The following TG variants were observed in gnomAD, a reference collection of about 807,000 sequenced individuals.
The protein encoded by TG is thyroid hormones.
A neutral mutation model predicts 324.7 loss-of-function variants in TG; 270 were observed. The ratio of observed to expected loss-of-function variants is 0.83; its 90% CI spans 0.75 to 0.92. TG has a LOEUF of 0.92. Among genes scored for constraint, TG ranks in the 40% least tolerant of loss-of-function variants. TG has a pLI of 0.00. For synonymous variants in TG, 1,401 were observed against 1,327.0 expected (o/e 1.06, Z -1.21); for missense variants, 3,591 against 3,456.4 (o/e 1.04, Z -0.98).
intron 41 of TG, among the ~76,000 whole-genome samples, chr8:133,061,991 T>C (rs1842430169): frequency 6.6e-6 from 1 of 152,228 alleles, no homozygotes; most frequent in Non-Finnish European, 1.5e-5. Context: ...TGTCACTTAC[T>C]GCTCAAGCTA....
intron 40 of TG, among the ~76,000 whole-genome samples, chr8:133,029,222 C>A (rs1180887579): frequency 6.8e-6 from 1 of 146,054 alleles, no homozygotes; most frequent in African/African-American, 2.6e-5. Context: ...GTATCTAGAT[C>A]ATTTTATTTA....
At position 133,030,981 on chromosome 8, in the gene TG, G is replaced by A. The variant is rs111460245; in HGVS notation, c.7239+958G>A. 7.6e-3 allele frequency among the ~76,000 whole-genome samples: 1,159 copies of A among 152,216 alleles called. 16 individuals carry two copies. Among genetic ancestry groups the A allele is most frequent in the African/African-American group, 0.026 (1,097 of 41,552 alleles). ...TCAGAGTGGTTTTGATTATTTATTT[G>A]TTTGCTTGTTTGTTTTGTTTTATGA... On this transcript the variant is annotated intron_variant, in intron 41 of 47. Transcript: ENST00000220616.
chr8:133,020,820 C>G (rs1426601193), intron 39 of TG, among the ~76,000 whole-genome samples: 1 of 152,172 alleles, frequency 6.6e-6, no homozygotes, highest in Non-Finnish European at 1.5e-5. Flanking sequence ...AAATGAGACA[C>G]TCTAGGGCAG....
rs200646022 is a variant in TG, at chr8:133,134,725, G to A, written c.8238G>A (p.Thr2746=). 2.4e-5 allele frequency: 39 copies of A among 1,613,924 alleles called. No individual in the cohort carries two copies. The highest frequency in any genetic ancestry group is 4.5e-5 in the East Asian group (2 of 44,874). ...CAGAGAGTGAAGAGGAGGAGTTGAC[G>A]GCTGGATCTGGGCTAAGAGAAGATC... The part of the protein sequence containing the change: ...QSAESEEEEL[T]AGSGLREDLL... Residue 2746 remains threonine (T), a synonymous_variant, in exon 48 of 48, where the codon ACG becomes ACA. Transcript: ENST00000220616.
chr8:133,080,280 G>A (rs13265497), intron 41 of TG, among the ~76,000 whole-genome samples: 23,585 of 152,106 alleles, frequency 0.16, 2,281 homozygotes, highest in East Asian at 0.21. Context: ...TGGCCTTTGC[G>A]TATGTTACGT....
chr8:133,042,676 G>GTTTTTT (rs1838483510), intron 41 of TG, among the ~76,000 whole-genome samples: 1 of 55,582 alleles, frequency 1.8e-5, no homozygotes, highest in African/African-American at 6.4e-5. Flanking sequence ...CTCATTCTGT[G>GTTTTTT]TCTTTTTTTT....
rs761804509 is a variant in TG at position 133,013,732 on chromosome 8, G to T, written c.6530G>T (p.Arg2177Leu). Residue 2177 changes from arginine (R) to leucine (L), a missense_variant, in exon 37 of 48, where the codon CGT (arginine) becomes CTT (leucine). Transcript: ENST00000220616. The stretch of plus-strand genomic sequence containing the variant: ...GGTCAGAACTGCCGACTTCTGCTTC[G>T]TGAAGAGGCCACCCACATCTACCGG... ...LQGQNCRLLL[R>L]EEATHIYRKP... 13 of 1,612,820 alleles carry T rather than the reference G, an allele frequency of 8.1e-6. No homozygotes were observed. Among genetic ancestry groups the T allele is most frequent in the South Asian group, 1.1e-5 (1 of 91,070 alleles).
intron 43 of TG, among the ~76,000 whole-genome samples, chr8:133,109,351 A>C (rs1011762534): frequency 6.6e-6 from 1 of 152,236 alleles, no homozygotes; most frequent in African/African-American, 2.4e-5. Context: ...TGGATTAAAA[A>C]GCATGTGTCT....
chr8:132,966,442 C>A, intron 29 of TG, 118 bp from the exon 30 acceptor site: 2 of 1,314,994 alleles, frequency 1.5e-6, no homozygotes, highest in Non-Finnish European at 2.1e-6. Context: ...CTATCTCTGA[C>A]ACTTTCTCTC....
chr8:133,116,248 A>G (rs1393115239), intron 44 of TG, among the ~76,000 whole-genome samples: 2 of 152,190 alleles, frequency 1.3e-5, no homozygotes, highest in African/African-American at 4.8e-5. Context: ...TCCACTGTAT[A>G]TTGCATTTAC....
chr8:132,972,588 T>TTTC lies in TG; in HGVS notation c.6056-10_6056-9insTTC, dbSNP rs1554685664. 9.3e-6 allele frequency: 15 copies of TTTC among 1,608,906 alleles called. No individual in the cohort carries two copies. The African/African-American group carries it at 1.5e-4, about 16-fold the overall frequency. ...ATTGTGGTTTTTTGTTTTTTTTTTT[T>TTTC]CCACCCCAGGAGGAGAGGTGACATG... On this transcript the variant is annotated splice_polypyrimidine_tract_variant and intron_variant, in intron 33 of 47. Transcript: ENST00000220616.
intron 35 of TG, among the ~76,000 whole-genome samples, chr8:133,005,312 G>A (rs1262473864): frequency 6.6e-6 from 1 of 152,164 alleles, no homozygotes; most frequent in Non-Finnish European, 1.5e-5. Flanking sequence ...GAGGGGAGGA[G>A]GGGTCAGGTG....
intron 35 of TG, among the ~76,000 whole-genome samples, chr8:133,007,632 A>G (rs2130866328): frequency 6.6e-6 from 1 of 152,318 alleles, no homozygotes; most frequent in South Asian, 2.1e-4. Flanking sequence ...ATAATTTTAG[A>G]CAAGGATAGA....
chr8:133,115,976 G>A (rs1194120091), intron 44 of TG, among the ~76,000 whole-genome samples: 1 of 152,036 alleles, frequency 6.6e-6, no homozygotes, highest in East Asian at 1.9e-4. Context: ...TTCCACTGTA[G>A]GATGTTCAGC....
chr8:132,904,063 G>A (rs888806497), intron 16 of TG, among the ~76,000 whole-genome samples: 6 of 152,168 alleles, frequency 3.9e-5, no homozygotes, highest in Admixed American at 1.3e-4. Flanking sequence ...GTGGGCATTA[G>A]CCTGGTAGCT....
At position 132,887,404 on chromosome 8, in the gene TG, G is replaced by C. The variant is rs528778595; in HGVS notation, c.2032G>C (p.Ala678Pro). The C allele has an allele frequency of 2.5e-6, 4 of 1,614,030 alleles. No homozygotes were observed. Among genetic ancestry groups the C allele is most frequent in the African/African-American group, 1.3e-5 (1 of 74,902 alleles). The part of the protein sequence containing the change: ...RMQSLMGSQP[A>P]GSTLFVPACT... The stretch of plus-strand genomic sequence containing the variant: ...GCAAAGCCTCATGGGCAGCCAGCCT[G>C]CTGGCTCCACCTTGTTTGTCCCTGC... Residue 678 changes from alanine to proline, a missense_variant, in exon 9 of 48, where the codon GCT becomes CCT. Ala to Pro is a conservative substitution (Grantham distance 27). Transcript: ENST00000220616.
At chr8:133,110,988 A>T (rs572701384) in intron 43 of TG, among the ~76,000 whole-genome samples, 4 of 152,318 alleles carry the variant, frequency 2.6e-5, no homozygotes, top group African/African-American at 7.2e-5. Context: ...CACACAATAC[A>T]TTCACATTTG....
At chr8:133,070,822 C>A (rs373493392) in intron 41 of TG, among the ~76,000 whole-genome samples, 1 of 152,234 alleles carries the variant, frequency 6.6e-6, no homozygotes, top group African/African-American at 2.4e-5. Flanking sequence ...CAGGCACCCC[C>A]GCTCCTGACC....
At chr8:133,090,082 C>A (rs1389488070) in intron 41 of TG, 1 of 152,234 alleles carries the variant, frequency 6.6e-6, no homozygotes. Context: ...CTAAATGGGG[C>A]TTGAGACTTA....
Sources: allele counts gnomAD v4.1 joint callset (sites outside exome capture counted in the v4.1 genomes callset), GRCh38; gene constraint gnomAD v4.1.1; transcripts MANE v1.5; gene names NCBI Gene and HGNC (gene_info 2026-07-23, HGNC 2026-07-21).